Variants in PRICKLE2 observed in about 807,000 individuals in gnomAD.
The protein encoded by PRICKLE2 is prickle-like protein 2.
In PRICKLE2, 21 loss-of-function variants were observed where a neutral mutation model predicts 81.4. The ratio of observed to expected loss-of-function variants is 0.26; its 90% CI spans 0.18 to 0.37. PRICKLE2 has a LOEUF of 0.37. Ranked by LOEUF, PRICKLE2 falls within the 10% of genes least tolerant of loss-of-function variation. The pLI, the probability that PRICKLE2 is intolerant of heterozygous loss-of-function variation, is 1.00. For missense variants in PRICKLE2, 940 were observed against 1,109.0 expected (o/e 0.85, Z 2.16); for synonymous variants, 456 against 421.5 (o/e 1.08, Z -1.00).
At chr3:64,197,056 C>G (rs2078468197) in intron 2 of PRICKLE2, among the ~76,000 whole-genome samples, 1 of 152,174 alleles carries the variant, frequency 6.6e-6, no homozygotes, top group Admixed American at 6.5e-5. Context: ...AGAAAATGAG[C>G]AATGGCTAAT....
chr3:64,204,104 A>G (rs1197675915), intron 1 of PRICKLE2, among the ~76,000 whole-genome samples: 1 of 152,210 alleles, frequency 6.6e-6, no homozygotes, highest in Non-Finnish European at 1.5e-5. Flanking sequence ...GTACCCAACC[A>G]AGACAAAGAT....
chr3:64,260,369 C>T (rs2079598750), intron 2 of PRICKLE2, among the ~76,000 whole-genome samples: 1 of 152,184 alleles, frequency 6.6e-6, no homozygotes, highest in African/African-American at 2.4e-5. Context: ...GCAAGAGTTG[C>T]ACTAGATAAT....
At chr3:64,257,880 G>C (rs2079551303) in intron 2 of PRICKLE2, among the ~76,000 whole-genome samples, 1 of 152,094 alleles carries the variant, frequency 6.6e-6, no homozygotes, top group Admixed American at 6.5e-5. Flanking sequence ...TAGGTCATGA[G>C]GATAGAGCCC....
At chr3:64,189,882 T>C (rs538696175) in intron 2 of PRICKLE2, among the ~76,000 whole-genome samples, 12 of 152,290 alleles carry the variant, frequency 7.9e-5, no homozygotes, top group African/African-American at 2.9e-4. Context: ...TATGTGCACC[T>C]GGGGCAGAAA....
intron 2 of PRICKLE2, among the ~76,000 whole-genome samples, chr3:64,255,286 T>C (rs1421661891): frequency 1.3e-5 from 2 of 152,200 alleles, no homozygotes; most frequent in East Asian, 3.9e-4. Context: ...GAGAAAAAGT[T>C]TGGTAGAATC....
At chr3:64,171,584 G>A (rs1231400492) in intron 2 of PRICKLE2, among the ~76,000 whole-genome samples, 2 of 152,358 alleles carry the variant, frequency 1.3e-5, no homozygotes, top group African/African-American at 2.4e-5. Context: ...TATACCCCCA[G>A]AAGAGGGTCT....
At chr3:64,103,366 A>G (rs2076699576) in intron 7 of PRICKLE2, 1 of 152,224 alleles carries the variant, frequency 6.6e-6, no homozygotes, top group African/African-American at 2.4e-5. Context: ...ATATTACACA[A>G]TAATGAGAAC....
intron 7 of PRICKLE2, among the ~76,000 whole-genome samples, chr3:64,124,227 G>A (rs2077072946): frequency 6.6e-6 from 1 of 152,150 alleles, no homozygotes; most frequent in Non-Finnish European, 1.5e-5. Flanking sequence ...AACTCTTCAG[G>A]TCTATGAAGG....
At chr3:64,135,193 C>T (rs918109128) in intron 7 of PRICKLE2, among the ~76,000 whole-genome samples, 1 of 152,144 alleles carries the variant, frequency 6.6e-6, no homozygotes, top group African/African-American at 2.4e-5. Flanking sequence ...AGCTGAGAGT[C>T]AAGGATTTAT....
chr3:64,231,674 G>A (rs539382741), intron 2 of PRICKLE2, among the ~76,000 whole-genome samples: 13 of 152,132 alleles, frequency 8.5e-5, no homozygotes, highest in Non-Finnish European at 1.6e-4. Context: ...ACTACAAAAT[G>A]CCACAGAGGT....
chr3:64,240,205 A>C (rs1263869857), intron 2 of PRICKLE2, among the ~76,000 whole-genome samples: 1 of 152,074 alleles, frequency 6.6e-6, no homozygotes, highest in Non-Finnish European at 1.5e-5. Context: ...TATAAGGGAC[A>C]CCTGGGTTTG....
chr3:64,209,490 C>A (rs149089883), intron 1 of PRICKLE2, among the ~76,000 whole-genome samples: 362 of 152,172 alleles, frequency 2.4e-3, no homozygotes, highest in African/African-American at 8.2e-3. Flanking sequence ...ACAACTATAT[C>A]TATCCATCTA....
At chr3:64,134,278 A>G (rs2077243034) in intron 7 of PRICKLE2, among the ~76,000 whole-genome samples, 1 of 152,226 alleles carries the variant, frequency 6.6e-6, no homozygotes, top group African/African-American at 2.4e-5. Context: ...AGCTAGGGAC[A>G]GAGCAAGAAG....
chr3:64,099,240 T>G lies in PRICKLE2; in HGVS notation c.2346A>C (p.Ser782=), dbSNP rs1275891307. 6.2e-7 allele frequency: 1 copy of G among 1,614,028 alleles called. No homozygotes were observed. Among genetic ancestry groups the G allele is most frequent in the African/African-American group, 1.3e-5 (1 of 74,900 alleles). Residue 782 remains serine, a synonymous_variant, in exon 8 of 8, where the codon TCA becomes TCC. Transcript: ENST00000638394. This position sits in a 1 kb window ranked among gnomAD's most constrained non-coding sequence, Gnocchi z 4.3. ...YDWCSTCSSS[S]ESDNEGYFLG... ...GGAAATAGCCCTCGTTGTCAGACTCTGAAGAGGAGGAGCAGGTGGAACACC... is the reference window on the plus strand; with the variant it reads ...GGAAATAGCCCTCGTTGTCAGACTCGGAAGAGGAGGAGCAGGTGGAACACC...
chr3:64,237,597 G>A (rs2079201373), intron 2 of PRICKLE2, among the ~76,000 whole-genome samples: 1 of 152,100 alleles, frequency 6.6e-6, no homozygotes, highest in African/African-American at 2.4e-5. Context: ...GGTTTTTATG[G>A]CTACAGGATG....
At chr3:64,255,819 T>C (rs1206365170) in intron 2 of PRICKLE2, among the ~76,000 whole-genome samples, 1 of 152,152 alleles carries the variant, frequency 6.6e-6, no homozygotes, top group Non-Finnish European at 1.5e-5. Flanking sequence ...AAGGAGATGG[T>C]AGTAGCATTG....
chr3:64,214,996 T>C (rs2078850072), intron 1 of PRICKLE2, among the ~76,000 whole-genome samples: 1 of 152,098 alleles, frequency 6.6e-6, no homozygotes, highest in African/African-American at 2.4e-5. Context: ...GCTACTACAA[T>C]AGCCTACTTC....
At chr3:64,247,651 T>C (rs1164440866) in intron 2 of PRICKLE2, among the ~76,000 whole-genome samples, 5 of 152,206 alleles carry the variant, frequency 3.3e-5, no homozygotes, top group Admixed American at 6.5e-5. Flanking sequence ...AGTGCAAAGA[T>C]TGAAGTACTG....
chr3:64,139,575 C>T (rs779132295), intron 7 of PRICKLE2, among the ~76,000 whole-genome samples: 1 of 152,216 alleles, frequency 6.6e-6, no homozygotes, highest in Non-Finnish European at 1.5e-5. Flanking sequence ...ATTCCCCACA[C>T]AGCAGCTGAA....
Sources: allele counts gnomAD v4.1 joint callset (sites outside exome capture counted in the v4.1 genomes callset), GRCh38; gene constraint gnomAD v4.1.1; non-coding constraint Gnocchi (gnomAD v3.1); transcripts MANE v1.5; gene names NCBI Gene and HGNC (gene_info 2026-07-23, HGNC 2026-07-21).